Variants in NDFIP2 observed in about 807,000 individuals in gnomAD.
NDFIP2 encodes NEDD4 family-interacting protein 2.
Under a neutral mutation model 36.0 loss-of-function variants are expected in NDFIP2, and 19 were observed. The ratio of observed to expected loss-of-function variants is 0.53; its 90% CI spans 0.37 to 0.77. NDFIP2 has a LOEUF of 0.77. Ranked by LOEUF, NDFIP2 falls within the 30% of genes least tolerant of loss-of-function variation. The pLI, the probability that NDFIP2 is intolerant of heterozygous loss-of-function variation, is 0.00. For synonymous variants in NDFIP2, 181 were observed against 167.7 expected (o/e 1.08, Z -0.61); for missense variants, 446 against 435.8 (o/e 1.02, Z -0.21).
At chr13:79,520,564 T>C (rs1183065741) in intron 1 of NDFIP2, among the ~76,000 whole-genome samples, 2 of 152,208 alleles carry the variant, frequency 1.3e-5, no homozygotes, top group Non-Finnish European at 2.9e-5. Flanking sequence ...CTTTGTAAAT[T>C]CTTAATTTGA....
At chr13:79,529,509 A>C (rs1389207678) in intron 2 of NDFIP2, among the ~76,000 whole-genome samples, 2 of 152,116 alleles carry the variant, frequency 1.3e-5, no homozygotes, top group African/African-American at 4.8e-5. Context: ...TTTTGCTTCT[A>C]CTCTTTTAAA....
At chr13:79,485,813 T>TAGTG (rs778553980) in intron 1 of NDFIP2, among the ~76,000 whole-genome samples, 5 of 152,210 alleles carry the variant, frequency 3.3e-5, no homozygotes, top group Non-Finnish European at 7.3e-5. Context: ...TTTCTTGTCT[T>TAGTG]AGTGAACTCT....
rs1305466109 is a variant in NDFIP2 at position 79,520,804 on chromosome 13, T to C, written c.322-6T>C. Reference sequence around the variant, plus strand: ...TTAATGTTTTGTTTTTCTTTTGTTCTCTTAGCTTCTTAATGAAGAGGATAA... The same window carrying C: ...TTAATGTTTTGTTTTTCTTTTGTTCCCTTAGCTTCTTAATGAAGAGGATAA... On this transcript the variant is annotated splice_polypyrimidine_tract_variant and splice_region_variant and intron_variant, in intron 1 of 7. Transcript: ENST00000218652. The C allele has an allele frequency of 1.3e-6, 2 of 1,595,308 alleles. No homozygotes were observed. The highest frequency in any genetic ancestry group is 2.7e-5 in the African/African-American group (2 of 74,018).
intron 6 of NDFIP2, among the ~76,000 whole-genome samples, chr13:79,548,772 C>A (rs1172395833): frequency 6.6e-6 from 1 of 151,966 alleles, no homozygotes; most frequent in Non-Finnish European, 1.5e-5. Flanking sequence ...ATTTTTTGAT[C>A]ATGGAAACAT....
At chr13:79,483,131 A>T (rs1022966238) in intron 1 of NDFIP2, among the ~76,000 whole-genome samples, 14 of 152,062 alleles carry the variant, frequency 9.2e-5, no homozygotes, top group African/African-American at 3.4e-4. Flanking sequence ...TTTCAAACTG[A>T]CGATGTGTCC....
intron 2 of NDFIP2, among the ~76,000 whole-genome samples, chr13:79,523,114 T>C (rs1874649939): frequency 1.3e-5 from 2 of 152,202 alleles, no homozygotes; most frequent in African/African-American, 2.4e-5. Context: ...AGCCCCCTTA[T>C]CCAAGGGAGA....
chr13:79,522,250 G>C (rs2137088111), intron 2 of NDFIP2, among the ~76,000 whole-genome samples: 1 of 152,204 alleles, frequency 6.6e-6, no homozygotes, highest in East Asian at 1.9e-4. Context: ...CAGCTGGTTT[G>C]ATGCCTGTTA....
chr13:79,523,238 AAGATG>A (rs1314714201), intron 2 of NDFIP2, among the ~76,000 whole-genome samples: 4 of 152,030 alleles, frequency 2.6e-5, no homozygotes, highest in Non-Finnish European at 5.9e-5. Flanking sequence ...TTGTTTTTTT[AAGATG>A]GAGTTTCATT....
chr13:79,516,659 A>C (rs908697380), intron 1 of NDFIP2, among the ~76,000 whole-genome samples: 2 of 152,206 alleles, frequency 1.3e-5, no homozygotes, highest in East Asian at 3.8e-4. Context: ...TACTTTAAAA[A>C]TGATTTTTTA....
Position 79,533,456 on chromosome 13 carries a change from A to C in NDFIP2, c.621A>C (p.Arg207Ser). 1 of 1,587,068 alleles carries C rather than the reference A, an allele frequency of 6.3e-7. No homozygotes were observed. Among genetic ancestry groups the C allele is most frequent in the Non-Finnish European group, 8.5e-7 (1 of 1,172,380 alleles). Reference protein sequence around the residue: ...MAAAAAETSQRIQEEECPPRD... With the variant: ...MAAAAAETSQSIQEEECPPRD... ...CTGCAGCAGCAGAAACATCTCAAAG[A>C]GTAAGAAAATTTCATCATTTCTTTT... Residue 207 changes from arginine to serine, a missense_variant and splice_region_variant, in exon 3 of 8, where the codon AGA (arginine) becomes AGC (serine). Transcript: ENST00000218652.
At position 79,554,825 on chromosome 13, in the gene NDFIP2, G is replaced by T. The variant is rs1045298967; in HGVS notation, c.*2312G>T. 2.0e-5 allele frequency: 3 copies of T among 151,862 alleles called. No homozygotes were observed. Among genetic ancestry groups the T allele is most frequent in the Non-Finnish European group, 4.4e-5 (3 of 67,840 alleles). 9.4% of individuals were successfully genotyped at this position (151,862 alleles called of 1,614,324 possible). ...TAAACATTTTTGAGTGTGAACTGGG[G>T]ATTGGAAGTTAATACAAAAAAATTT... is the stretch of plus-strand genomic sequence containing the variant. On this transcript the variant is annotated 3_prime_UTR_variant, in exon 8 of 8. Coordinates refer to ENST00000218652, the MANE Select transcript of NDFIP2 (RefSeq NM_019080.3).
At chr13:79,503,629 G>T (rs1236926481) in intron 1 of NDFIP2, among the ~76,000 whole-genome samples, 2 of 152,116 alleles carry the variant, frequency 1.3e-5, no homozygotes, top group East Asian at 3.8e-4. Flanking sequence ...TCTGTCAGAG[G>T]GTAGAGAACT....
At chr13:79,486,512 T>C (rs1186861057) in intron 1 of NDFIP2, among the ~76,000 whole-genome samples, 1 of 152,200 alleles carries the variant, frequency 6.6e-6, no homozygotes, top group Non-Finnish European at 1.5e-5. Flanking sequence ...TTAATATTTG[T>C]TTATGGTTCT....
chr13:79,540,374 C>A (rs1394394065), intron 4 of NDFIP2, among the ~76,000 whole-genome samples: 1 of 152,118 alleles, frequency 6.6e-6, no homozygotes, highest in African/African-American at 2.4e-5. Flanking sequence ...TCAAAGTCTT[C>A]ATTATTTCAA....
At chr13:79,507,199 T>A (rs915452333) in intron 1 of NDFIP2, among the ~76,000 whole-genome samples, 2 of 151,284 alleles carry the variant, frequency 1.3e-5, no homozygotes, top group African/African-American at 4.9e-5. Flanking sequence ...TATATTTAAA[T>A]GGATTCAGTG....
chr13:79,534,729 G>A (rs1875165762), intron 3 of NDFIP2, among the ~76,000 whole-genome samples: 1 of 152,144 alleles, frequency 6.6e-6, no homozygotes, highest in South Asian at 2.1e-4. Context: ...AGAATTAGGT[G>A]AGGAGTCAAG....
At chr13:79,551,188 T>C in intron 7 of NDFIP2, 66 bp downstream of exon 7, 2 of 869,688 alleles carry the variant, frequency 2.3e-6, no homozygotes, top group Non-Finnish European at 3.5e-6. Context: ...CAGATACATA[T>C]TAAATGCCTA....
intron 2 of NDFIP2, among the ~76,000 whole-genome samples, chr13:79,530,781 A>G (rs957106034): frequency 3.9e-5 from 6 of 152,256 alleles, no homozygotes; most frequent in African/African-American, 7.2e-5. Flanking sequence ...TTCTGATTCT[A>G]CTTCTCTTGC....
intron 4 of NDFIP2, among the ~76,000 whole-genome samples, chr13:79,542,900 G>A (rs578074806): frequency 1.3e-5 from 2 of 149,044 alleles, no homozygotes; most frequent in South Asian, 2.1e-4. Flanking sequence ...TTTTTGAGCC[G>A]GAGTCTTGCT....
Sources: gnomAD v4.1 joint callset for allele counts (sites outside exome capture counted in the v4.1 genomes callset) on GRCh38, gnomAD v4.1.1 for gene constraint, MANE v1.5 for transcripts, NCBI Gene and HGNC (gene_info 2026-07-23, HGNC 2026-07-21) for gene names.